EFCAB11: variants seen among roughly 807,000 people sequenced by gnomAD.
EFCAB11 encodes the protein EF-hand calcium-binding domain-containing protein 11.
Under a neutral mutation model 23.0 loss-of-function variants are expected in EFCAB11, and 14 were observed. The ratio of observed to expected loss-of-function variants is 0.61; its 90% CI spans 0.40 to 0.95. The LOEUF (loss-of-function observed/expected upper bound fraction) is 0.95. Among genes scored for constraint, EFCAB11 ranks in the 40% least tolerant of loss-of-function variants. The pLI, the probability that EFCAB11 is intolerant of heterozygous loss-of-function variation, is 0.00. For missense variants in EFCAB11, 198 were observed against 195.8 expected, an observed-to-expected ratio of 1.01 and a Z score of -0.07; for synonymous variants, 65 against 66.6, an observed-to-expected ratio of 0.98 and a Z score of 0.11.
chr14:89,909,184 G>T (rs1312641287), intron 5 of EFCAB11, among the ~76,000 whole-genome samples: 1 of 152,176 alleles, frequency 6.6e-6, no homozygotes, highest in African/African-American at 2.4e-5. Flanking sequence ...TAAAGAGAAG[G>T]CTGAGTTGGG....
chr14:89,900,255 G>C (rs1395595880), intron 5 of EFCAB11, among the ~76,000 whole-genome samples: 1 of 152,002 alleles, frequency 6.6e-6, no homozygotes, highest in Non-Finnish European at 1.5e-5. Context: ...CCAATACTCT[G>C]TACTATTTAA....
chr14:89,862,791 CT>C (rs1428818073), intron 5 of EFCAB11, among the ~76,000 whole-genome samples: 1 of 152,176 alleles, frequency 6.6e-6, no homozygotes, highest in Non-Finnish European at 1.5e-5. Context: ...TCTGAGAGCA[CT>C]TTAGTAGGTT....
intron 5 of EFCAB11, among the ~76,000 whole-genome samples, chr14:89,806,170 A>G (rs1369781501): frequency 6.6e-6 from 1 of 152,254 alleles, no homozygotes. Flanking sequence ...ACAGCTTACC[A>G]AAGTGACTAA....
At chr14:89,896,376 C>T (rs1328324499) in intron 5 of EFCAB11, among the ~76,000 whole-genome samples, 3 of 151,246 alleles carry the variant, frequency 2.0e-5, no homozygotes, top group South Asian at 2.1e-4. Context: ...GGTGGCAGAG[C>T]GAGACTCTGT....
Position 89,932,541 on chromosome 14 carries a change from C to T in EFCAB11, c.304G>A (p.Ala102Thr), listed in dbSNP as rs1292149303. 8 of 1,613,520 alleles carry T rather than the reference C, an allele frequency of 5.0e-6. No individual in the cohort carries two copies. Among genetic ancestry groups the T allele is most frequent in the Non-Finnish European group, 6.8e-6 (8 of 1,179,842 alleles). The change falls in exon 4 of 6, where the codon GCC becomes ACC. Residue 102 changes from alanine to threonine, a missense_variant. Ala to Thr is a moderately conservative substitution (Grantham distance 58, BLOSUM62 0). Coordinates refer to ENST00000316738, the MANE Select transcript of EFCAB11 (RefSeq NM_145231.4). ...YRNEVRHIFT[A>T]FDTYYRGFLT... ...AGACACTTACAGTAGGTGTCAAAGG[C>T]TGTGAAGATGTGTCTTACTTCGTTC... is the stretch of plus-strand genomic sequence containing the variant.
chr14:89,904,384 A>C (rs547360299), intron 5 of EFCAB11, among the ~76,000 whole-genome samples: 2 of 152,350 alleles, frequency 1.3e-5, no homozygotes, highest in African/African-American at 4.8e-5. Context: ...ATTGATGGAC[A>C]TATGGGTTAG....
chr14:89,889,489 C>T (rs1888896174), intron 5 of EFCAB11, among the ~76,000 whole-genome samples: 1 of 152,208 alleles, frequency 6.6e-6, no homozygotes. Flanking sequence ...ACTTCAGCCA[C>T]ACCTCCACAT....
Position 89,796,111 on chromosome 14 carries a change from G to C in EFCAB11, c.*1132C>G, listed in dbSNP as rs1446191511. On this transcript the variant is annotated 3_prime_UTR_variant, in exon 6 of 6. Transcript: ENST00000316738. ...CTCCCAAGCCTAGACCATCCTAAAGGGTTCTGCAAACATGTCTCTTGCCCC... is the reference window on the plus strand; with the variant it reads ...CTCCCAAGCCTAGACCATCCTAAAGCGTTCTGCAAACATGTCTCTTGCCCC... The C allele has an allele frequency of 1.3e-5, 2 of 152,300 alleles. No homozygotes were observed. The highest frequency in any genetic ancestry group is 2.1e-4 in the South Asian group (1 of 4,838). 9.4% of individuals were successfully genotyped at this position (152,300 alleles called of 1,614,324 possible). A position where few individuals can be genotyped will look rare whatever the true frequency, so the allele number is the denominator to read the frequency against.
intron 3 of EFCAB11, among the ~76,000 whole-genome samples, chr14:89,942,102 G>A (rs567900331): frequency 1.3e-5 from 2 of 152,228 alleles, no homozygotes; most frequent in Admixed American, 6.5e-5. Context: ...TTTGCCTTCT[G>A]CCATGATTCT....
At chr14:89,879,237 G>A (rs1888531717) in intron 5 of EFCAB11, among the ~76,000 whole-genome samples, 1 of 151,638 alleles carries the variant, frequency 6.6e-6, no homozygotes, top group Non-Finnish European at 1.5e-5. Flanking sequence ...TATATTTAAA[G>A]GCATTAGAAA....
At chr14:89,954,468 G>A in intron 1 of EFCAB11, 118 bp downstream of exon 1, 1 of 1,540,460 alleles carries the variant, frequency 6.5e-7, no homozygotes, top group Non-Finnish European at 8.7e-7. Context: ...CGACCCTTTG[G>A]ACAGGCAGCC....
chr14:89,861,868 G>A (rs1887935193), intron 5 of EFCAB11, among the ~76,000 whole-genome samples: 1 of 152,198 alleles, frequency 6.6e-6, no homozygotes, highest in South Asian at 2.1e-4. Flanking sequence ...CCAGCCTCTA[G>A]AACTGTGAGA....
At chr14:89,825,547 T>C (rs1014955166) in intron 5 of EFCAB11, among the ~76,000 whole-genome samples, 5 of 152,008 alleles carry the variant, frequency 3.3e-5, no homozygotes, top group Non-Finnish European at 5.9e-5. Flanking sequence ...GATGCCTCTT[T>C]AAAAAAATTA....
intron 5 of EFCAB11, among the ~76,000 whole-genome samples, chr14:89,881,389 A>ATAAAATTTTTATCTAAACTATTTT (rs1888591197): frequency 6.9e-6 from 1 of 144,134 alleles, no homozygotes; most frequent in African/African-American, 2.6e-5. Flanking sequence ...CTACCCATCA[A>ATAAAATTTTTATCTAAACTATTTT]TAAAATTTTT....
At chr14:89,920,790 C>T (rs7144794) in intron 5 of EFCAB11, among the ~76,000 whole-genome samples, 20,170 of 152,070 alleles carry the variant, frequency 0.13, 1,541 homozygotes, top group South Asian at 0.25. Context: ...TAGGGCCGGG[C>T]GTGGTGGCTC....
At chr14:89,883,597 T>A (rs1042979196) in intron 5 of EFCAB11, among the ~76,000 whole-genome samples, 4 of 152,162 alleles carry the variant, frequency 2.6e-5, no homozygotes, top group Non-Finnish European at 5.9e-5. Flanking sequence ...AAGAAAAAAG[T>A]CTGTATATGT....
intron 5 of EFCAB11, chr14:89,833,292 C>G (rs763320252): frequency 3.3e-5 from 5 of 152,064 alleles, no homozygotes; most frequent in Non-Finnish European, 5.9e-5. Context: ...CGTGACTGTG[C>G]AAAAAGTAGG....
intron 5 of EFCAB11, among the ~76,000 whole-genome samples, chr14:89,911,310 C>T (rs971564200): frequency 6.6e-6 from 1 of 152,214 alleles, no homozygotes; most frequent in African/African-American, 2.4e-5. Flanking sequence ...GCTTCTGCCA[C>T]CAGTTAGGAA....
At chr14:89,812,220 A>T (rs1358165430) in intron 5 of EFCAB11, among the ~76,000 whole-genome samples, 3 of 152,230 alleles carry the variant, frequency 2.0e-5, no homozygotes, top group African/African-American at 7.2e-5. Flanking sequence ...TACCCAAAAT[A>T]TGAAATAACT....
Sources: gnomAD v4.1 joint callset for allele counts (sites outside exome capture counted in the v4.1 genomes callset) on GRCh38, gnomAD v4.1.1 for gene constraint, MANE v1.5 for transcripts, NCBI Gene and HGNC (gene_info 2026-07-23, HGNC 2026-07-21) for gene names.